The following SNTB1 variants were observed in gnomAD, a reference collection of about 807,000 sequenced individuals.
The protein encoded by SNTB1 is beta-1-syntrophin.
Under a neutral mutation model 48.9 loss-of-function variants are expected in SNTB1, and 36 were observed. That is an observed-to-expected ratio of 0.74 (90% CI 0.56 to 0.97). The LOEUF is 0.97. Among genes scored for constraint, SNTB1 ranks in the 50% least tolerant of loss-of-function variants. The pLI is 0.00. For missense variants in SNTB1, 786 were observed against 703.4 expected, an observed-to-expected ratio of 1.12 and a Z score of -1.33; for synonymous variants, 299 against 294.6, an observed-to-expected ratio of 1.01 and a Z score of -0.15.
intron 1 of SNTB1, among the ~76,000 whole-genome samples, chr8:120,790,663 C>G (rs1820013525): frequency 6.6e-6 from 1 of 151,886 alleles, no homozygotes; most frequent in Non-Finnish European, 1.5e-5. Flanking sequence ...AAATAAAATA[C>G]TTAGGAATTT....
In SNTB1 at chr8:120,559,531, T is replaced by C. The variant is rs74414380; in HGVS notation, c.1137-10573A>G. 5.4e-3 allele frequency among the ~76,000 whole-genome samples: 819 copies of C among 152,340 alleles called. 7 individuals are homozygous for C. The highest frequency in any genetic ancestry group is 0.019 in the African/African-American group (780 of 41,574). On this transcript the variant is annotated intron_variant, in intron 4 of 6. Coordinates refer to ENST00000517992, the MANE Select transcript of SNTB1 (RefSeq NM_021021.4). ...GGACCACTTGTGGGTCAAATCTTTA[T>C]GACATTGGGGAACTCATTCCTGCAG...
In SNTB1 at chr8:120,576,689, GT is replaced by G. The variant is rs1815956313; in HGVS notation, c.997-1465del. ...CTAGCAGGCCTGAACACAAATTTGT[GT>G]TACCCAGTTTACTAGCTGTGGGGGT... On this transcript the variant is annotated intron_variant, in intron 3 of 6. Coordinates refer to ENST00000517992, the MANE Select transcript of SNTB1 (RefSeq NM_021021.4). Among the ~76,000 whole-genome samples the G allele has an allele frequency of 2.0e-5, 3 of 152,110 alleles. No individual in the cohort carries two copies. The South Asian group carries it at 6.2e-4, about 32-fold the overall frequency.
At chr8:120,717,734 G>A (rs539540577) in intron 1 of SNTB1, among the ~76,000 whole-genome samples, 1 of 152,278 alleles carries the variant, frequency 6.6e-6, no homozygotes, top group East Asian at 1.9e-4. Context: ...CAAGGCAGAT[G>A]TTCTATTGTG....
chr8:120,552,739 AG>A (rs933581083), intron 4 of SNTB1, among the ~76,000 whole-genome samples: 6 of 152,102 alleles, frequency 3.9e-5, no homozygotes, highest in Non-Finnish European at 7.4e-5. Flanking sequence ...GATTGGTGGG[AG>A]ATGGTTTTGG....
chr8:120,770,978 T>C (rs904659690), intron 1 of SNTB1, among the ~76,000 whole-genome samples: 2 of 152,222 alleles, frequency 1.3e-5, no homozygotes, highest in African/African-American at 4.8e-5. Context: ...CAGAATACTA[T>C]AGCAAGAAGA....
intron 1 of SNTB1, among the ~76,000 whole-genome samples, chr8:120,733,107 C>G (rs1818879672): frequency 6.6e-6 from 1 of 152,196 alleles, no homozygotes; most frequent in African/African-American, 2.4e-5. Context: ...ACTGGGAGTA[C>G]AAATCGTGTA....
At chr8:120,779,719 A>G (rs1236173910) in intron 1 of SNTB1, among the ~76,000 whole-genome samples, 1 of 152,156 alleles carries the variant, frequency 6.6e-6, no homozygotes, top group Non-Finnish European at 1.5e-5. Context: ...CCGGAGCGTT[A>G]GTTTTCTGGC....
intron 4 of SNTB1, among the ~76,000 whole-genome samples, chr8:120,554,041 T>G (rs1815525279): frequency 6.6e-6 from 1 of 152,148 alleles, no homozygotes; most frequent in African/African-American, 2.4e-5. Context: ...ATCAGGTCCT[T>G]AAATATTTTC....
At position 120,763,178 on chromosome 8, in the gene SNTB1, G is replaced by T. The variant is rs144730299; in HGVS notation, c.571+48095C>A. ...ATAGATATCATGAATCTTATATATC[G>T]CATTACTATATGTGCTTATTTTCCA... On this transcript the variant is annotated intron_variant, in intron 1 of 6. Transcript: ENST00000517992. Among the ~76,000 whole-genome samples the T allele has an allele frequency of 9.9e-4, 151 of 151,990 alleles. 1 individual carries two copies. The highest frequency in any genetic ancestry group is 3.5e-3 in the African/African-American group (144 of 41,414).
At chr8:120,802,822 G>C (rs1397289217) in intron 1 of SNTB1, among the ~76,000 whole-genome samples, 1 of 152,018 alleles carries the variant, frequency 6.6e-6, no homozygotes, top group Non-Finnish European at 1.5e-5. Flanking sequence ...TACATACTTA[G>C]TCCCTTTACT....
chr8:120,572,105 G>C lies in SNTB1; in HGVS notation c.1136+2981C>G, dbSNP rs757426754. 2.6e-5 allele frequency among the ~76,000 whole-genome samples: 4 copies of C among 152,028 alleles called. 1 individual carries two copies. The highest frequency in any genetic ancestry group is 2.6e-4 in the Admixed American group (4 of 15,260). On this transcript the variant is annotated intron_variant, in intron 4 of 6. Transcript: ENST00000517992. Reference sequence around the variant, plus strand: ...TTCACTACTGGCATTTTAATCTTGTGTTAATTCTTGCTCTGCTACTGGGTC... The same window carrying C: ...TTCACTACTGGCATTTTAATCTTGTCTTAATTCTTGCTCTGCTACTGGGTC...
chr8:120,561,934 G>C (rs4644306), intron 4 of SNTB1, among the ~76,000 whole-genome samples: 70,125 of 152,050 alleles, frequency 0.46, 18,627 homozygotes, highest in Non-Finnish European at 0.62. Context: ...CTGTGGAGCT[G>C]TTACAAATAG....
chr8:120,719,040 G>C (rs1482234629), intron 1 of SNTB1, among the ~76,000 whole-genome samples: 1 of 152,208 alleles, frequency 6.6e-6, no homozygotes, highest in African/African-American at 2.4e-5. Context: ...TCCAACAGCA[G>C]AGGGACTGAA....
chr8:120,688,904 G>A (rs138357662), intron 2 of SNTB1, among the ~76,000 whole-genome samples: 1 of 151,872 alleles, frequency 6.6e-6, no homozygotes, highest in African/African-American at 2.4e-5. Context: ...GTGGGAAATG[G>A]GGAAAGAGCA....
At chr8:120,636,252 AT>A (rs1817074918) in intron 2 of SNTB1, among the ~76,000 whole-genome samples, 1 of 150,114 alleles carries the variant, frequency 6.7e-6, no homozygotes, top group Non-Finnish European at 1.5e-5. Context: ...TTATTTTTTT[AT>A]TATTATACTT....
chr8:120,769,179 T>C (rs922111170), intron 1 of SNTB1: 1 of 152,198 alleles, frequency 6.6e-6, no homozygotes, highest in Non-Finnish European at 1.5e-5. Flanking sequence ...CAAGCCCCCA[T>C]TTCAGCTGGA....
At chr8:120,616,793 A>G (rs1451210457) in intron 3 of SNTB1, among the ~76,000 whole-genome samples, 1 of 152,248 alleles carries the variant, frequency 6.6e-6, no homozygotes, top group African/African-American at 2.4e-5. Context: ...TTCAAAGAGT[A>G]GTTTTTATTC....
chr8:120,627,406 T>C (rs1221292217), intron 3 of SNTB1, among the ~76,000 whole-genome samples: 2 of 152,200 alleles, frequency 1.3e-5, no homozygotes, highest in Non-Finnish European at 2.9e-5. Context: ...TAGGACCTGT[T>C]CTTTGAAATT....
chr8:120,643,121 C>T (rs180970541), intron 2 of SNTB1, among the ~76,000 whole-genome samples: 61 of 152,252 alleles, frequency 4.0e-4, no homozygotes, highest in Non-Finnish European at 5.6e-4. Context: ...TGGCAGGAAG[C>T]CTCAGTTTCT....
Sources: allele counts gnomAD v4.1 joint callset (sites outside exome capture counted in the v4.1 genomes callset), GRCh38; gene constraint gnomAD v4.1.1; transcripts MANE v1.5; gene names NCBI Gene and HGNC (gene_info 2026-07-23, HGNC 2026-07-21).